DST: variants seen among roughly 807,000 people sequenced by gnomAD.
DST encodes the protein dystonin.
In DST, 253 loss-of-function variants were observed where a neutral mutation model predicts 875.2. The ratio of observed to expected loss-of-function variants is 0.29; its 90% CI spans 0.26 to 0.32. The LOEUF (loss-of-function observed/expected upper bound fraction) is 0.32, where lower values mean the gene tolerates loss of function less well. Among genes scored for constraint, DST ranks in the 10% least tolerant of loss-of-function variants. DST has a pLI of 1.00. For synonymous variants in DST, 3,124 were observed against 3,197.1 expected (o/e 0.98, Z 0.77); for missense variants, 8,287 against 9,111.6 (o/e 0.91, Z 3.68).
At chr6:56,783,158 T>C (rs1242783187) in intron 4 of DST, among the ~76,000 whole-genome samples, 1 of 152,218 alleles carries the variant, frequency 6.6e-6, no homozygotes, top group African/African-American at 2.4e-5. Context: ...GTGGTCAGTT[T>C]TGGAATAGGT....
chr6:56,840,686 C>T (rs1258816761), intron 4 of DST, among the ~76,000 whole-genome samples: 1 of 152,156 alleles, frequency 6.6e-6, no homozygotes, highest in Non-Finnish European at 1.5e-5. Context: ...ATAATTAGCG[C>T]TCACTCTCCA....
Position 56,704,379 on chromosome 6 carries a change from G to A in DST, c.688-10C>T, listed in dbSNP as rs773698330. The A allele has an allele frequency of 6.9e-7, 1 of 1,450,480 alleles. No individual in the cohort carries two copies. Among genetic ancestry groups the A allele is most frequent in the Non-Finnish European group, 9.4e-7 (1 of 1,066,706 alleles). 89.9% of individuals were successfully genotyped at this position (1,450,480 alleles called of 1,614,324 possible). A position where few individuals can be genotyped will look rare whatever the true frequency, so the allele number is the denominator to read the frequency against. Reference sequence around the variant, plus strand: ...TCACATGTTTTCGAACCTATAAAGAGAAAAGCAAAATTTGGGGTCCTAGAA... The same window carrying A: ...TCACATGTTTTCGAACCTATAAAGAAAAAAGCAAAATTTGGGGTCCTAGAA... On this transcript the variant is annotated splice_polypyrimidine_tract_variant and intron_variant, in intron 5 of 103. Transcript: ENST00000680361.
At chr6:56,893,593 T>TA in intron 3 of DST, among the ~76,000 whole-genome samples, 1 of 81,606 alleles carries the variant, frequency 1.2e-5, no homozygotes, top group East Asian at 2.9e-4. Flanking sequence ...TTTTTATTTT[T>TA]TTTTATTTTT....
chr6:56,940,211 C>T (rs1368363271), intron 2 of DST, among the ~76,000 whole-genome samples: 1 of 151,282 alleles, frequency 6.6e-6, no homozygotes, highest in African/African-American at 2.4e-5. Flanking sequence ...CACACACACA[C>T]ACACACACAC....
In DST at chr6:56,485,396, T is replaced by C. The variant is rs1435936033; in HGVS notation, c.21123A>G (p.Leu7041=). ...CTGCCAGCTGGGGTTCAACTCTATA[T>C]AACCAATCAATGAGAGCCTGTAGGG... ...TDALQALIDW[L]YRVEPQLAED... The change falls in exon 88 of 104, where the codon TTA becomes TTG. Residue 7041 remains leucine (L), a synonymous_variant. Coordinates refer to ENST00000680361, the MANE Select transcript of DST (RefSeq NM_001374736.1). The C allele has an allele frequency of 1.9e-6, 3 of 1,613,956 alleles. No individual in the cohort carries two copies. Among genetic ancestry groups the C allele is most frequent in the Non-Finnish European group, 1.7e-6 (2 of 1,179,832 alleles).
intron 9 of DST, among the ~76,000 whole-genome samples, chr6:56,679,279 C>T (rs1287809562): frequency 6.6e-6 from 1 of 152,086 alleles, no homozygotes; most frequent in Non-Finnish European, 1.5e-5. Flanking sequence ...CTGATCAATC[C>T]AGCTGCACGT....
intron 9 of DST, among the ~76,000 whole-genome samples, chr6:56,682,377 T>C (rs895975228): frequency 3.1e-4 from 47 of 152,158 alleles, no homozygotes; most frequent in African/African-American, 1.1e-3. Flanking sequence ...GCTCAAAAAC[T>C]GACATAAAAA....
rs567015475 is a variant in DST at position 56,605,395 on chromosome 6, C to T, written c.9233G>A (p.Gly3078Asp). The T allele has an allele frequency of 1.2e-5, 20 of 1,612,300 alleles. No homozygotes were observed. In the South Asian group the frequency reaches 2.2e-4, roughly 18 times the overall value. The change falls in exon 40 of 104, where the codon GGT becomes GAT. Residue 3078 changes from glycine to aspartate, a missense_variant. Gly to Asp is a moderately conservative substitution (Grantham distance 94). Around this residue, in one of 10 missense-constraint regions of DST, gnomAD observed 3,138 missense variants for 3,116.6 expected, o/e 1.01. Transcript: ENST00000680361. The part of the protein sequence containing the change: ...EENRHLKLLP[G>D]KNTRDSFKLI... Reference sequence around the variant, plus strand: ...CTTGAAACTATCCCTTGTATTTTTACCAGGCAAAAGTTTGAGATGCCTATT... The same window carrying T: ...CTTGAAACTATCCCTTGTATTTTTATCAGGCAAAAGTTTGAGATGCCTATT...
At chr6:56,624,241 AT>A in intron 36 of DST, 1 of 590,534 alleles carries the variant, frequency 1.7e-6, no homozygotes, top group South Asian at 2.2e-5. Flanking sequence ...AACTGCCAAA[AT>A]TTCGTAATTT....
chr6:56,814,760 G>A (rs569587537), intron 4 of DST, among the ~76,000 whole-genome samples: 8 of 152,224 alleles, frequency 5.3e-5, no homozygotes, highest in East Asian at 1.9e-4. Context: ...GGTATACTTC[G>A]TCAAAAATAA....
intron 89 of DST, 80 bp downstream of exon 89, chr6:56,482,603 C>T (rs536796300): frequency 1.4e-6 from 2 of 1,462,798 alleles, no homozygotes; most frequent in East Asian, 4.6e-5. Flanking sequence ...GAGGGCCTCA[C>T]AATTTTTTAC....
chr6:56,613,138 T>TA (rs1289554934), intron 37 of DST, among the ~76,000 whole-genome samples: 7 of 152,204 alleles, frequency 4.6e-5, no homozygotes, highest in Admixed American at 4.6e-4. Context: ...TGTTAAGCTT[T>TA]ATGTCCCCAT....
At chr6:56,947,008 G>C (rs567916544) in intron 2 of DST, among the ~76,000 whole-genome samples, 3 of 152,146 alleles carry the variant, frequency 2.0e-5, no homozygotes, top group African/African-American at 4.8e-5. Flanking sequence ...TAAATCCCTG[G>C]AGAGATGGTG....
intron 4 of DST, among the ~76,000 whole-genome samples, chr6:56,793,780 C>A (rs2099735207): frequency 6.6e-6 from 1 of 152,058 alleles, no homozygotes; most frequent in Non-Finnish European, 1.5e-5. Context: ...GCTATGTTAT[C>A]AATTCCCTTA....
chr6:56,893,651 G>C (rs1789110104), intron 3 of DST, among the ~76,000 whole-genome samples: 1 of 79,508 alleles, frequency 1.3e-5, no homozygotes, highest in Non-Finnish European at 2.2e-5. Context: ...CGCAGAGGGG[G>C]ATTTGGCAGG....
intron 3 of DST, among the ~76,000 whole-genome samples, chr6:56,899,493 AC>A (rs959105662): frequency 6.6e-6 from 1 of 152,026 alleles, no homozygotes; most frequent in Non-Finnish European, 1.5e-5. Flanking sequence ...CCACACAGTT[AC>A]CCCCACAGAA....
At chr6:56,510,593 C>T (rs2096454955) in intron 73 of DST, among the ~76,000 whole-genome samples, 3 of 152,194 alleles carry the variant, frequency 2.0e-5, no homozygotes, top group South Asian at 4.1e-4. Context: ...TGTTCATTCA[C>T]ATCTATGAAT....
At chr6:56,471,547 A>G (rs1295658456) in intron 94 of DST, among the ~76,000 whole-genome samples, 1 of 152,162 alleles carries the variant, frequency 6.6e-6, no homozygotes, top group Non-Finnish European at 1.5e-5. Flanking sequence ...TCTAAGTACC[A>G]CCACTAGTCA....
chr6:56,749,681 T>C (rs1482964154), intron 4 of DST, among the ~76,000 whole-genome samples: 1 of 152,098 alleles, frequency 6.6e-6, no homozygotes, highest in Non-Finnish European at 1.5e-5. Flanking sequence ...TTTAAGGCAA[T>C]GGAAATTACA....
Sources: gnomAD v4.1 joint callset for allele counts (sites outside exome capture counted in the v4.1 genomes callset) on GRCh38, gnomAD v4.1.1 for gene constraint, gnomAD v4.1.1 regional missense constraint, MANE v1.5 for transcripts, NCBI Gene and HGNC (gene_info 2026-07-23, HGNC 2026-07-21) for gene names.